The following KSR1 variants were observed in gnomAD, a reference collection of about 807,000 sequenced individuals.
The protein encoded by KSR1 is kinase suppressor of ras 1.
Under a neutral mutation model 92.9 loss-of-function variants are expected in KSR1, and 35 were observed. The observed-to-expected ratio is 0.38, with a 90% confidence interval of 0.29 to 0.50. The LOEUF (loss-of-function observed/expected upper bound fraction) is 0.50. Among genes scored for constraint, KSR1 ranks in the 20% least tolerant of loss-of-function variants. The pLI is 0.94. For missense variants in KSR1, 972 were observed against 1,158.5 expected (o/e 0.84, Z 2.34); for synonymous variants, 467 against 472.6 (o/e 0.99, Z 0.15).
chr17:27,484,379 G>A (rs573015637), intron 1 of KSR1, among the ~76,000 whole-genome samples: 2 of 152,268 alleles, frequency 1.3e-5, no homozygotes, highest in South Asian at 4.1e-4. Context: ...TTACAGGTGT[G>A]CACCACCATG....
chr17:27,564,751 C>G (rs1598038556), intron 2 of KSR1, among the ~76,000 whole-genome samples: 1 of 138,144 alleles, frequency 7.2e-6, no homozygotes, highest in Non-Finnish European at 1.6e-5. Flanking sequence ...CCCCCCCCAC[C>G]TCCCCCACCC....
intron 2 of KSR1, among the ~76,000 whole-genome samples, chr17:27,554,353 TG>T (rs2071513276): frequency 6.6e-6 from 1 of 152,208 alleles, no homozygotes; most frequent in Non-Finnish European, 1.5e-5. Flanking sequence ...CCCAGGCCAC[TG>T]ACAGGTACCG....
At chr17:27,524,979 C>T (rs1326132720) in intron 1 of KSR1, among the ~76,000 whole-genome samples, 1 of 152,126 alleles carries the variant, frequency 6.6e-6, no homozygotes, top group Non-Finnish European at 1.5e-5. Flanking sequence ...ATCTTATGCC[C>T]ATGAAGTTGT....
At chr17:27,545,968 A>G (rs1174439651) in intron 1 of KSR1, among the ~76,000 whole-genome samples, 2 of 152,258 alleles carry the variant, frequency 1.3e-5, no homozygotes, top group Non-Finnish European at 2.9e-5. Flanking sequence ...CTTGAAGGCC[A>G]TGTGCCAGTG....
chr17:27,526,842 G>A (rs140560012), intron 1 of KSR1: 4 of 719,782 alleles, frequency 5.6e-6, no homozygotes, highest in African/African-American at 5.3e-5. Flanking sequence ...GGGGGGAGGG[G>A]TGGAAGGAGT....
intron 15 of KSR1, 26 bp downstream of exon 15, chr17:27,608,036 G>C (rs1157315207): frequency 6.5e-7 from 1 of 1,550,286 alleles, no homozygotes; most frequent in Non-Finnish European, 8.8e-7. Context: ...GCTGCTGGGG[G>C]TGGGTTTCTG....
intron 1 of KSR1, among the ~76,000 whole-genome samples, chr17:27,508,709 T>TTATTTATTTA (rs2069486263): frequency 7.2e-6 from 1 of 138,272 alleles, no homozygotes; most frequent in Admixed American, 7.3e-5. Context: ...CCTGAATTTT[T>TTATTTATTTA]TTTATTTATT....
intron 14 of KSR1, among the ~76,000 whole-genome samples, chr17:27,606,117 A>G (rs1193723165): frequency 6.6e-6 from 1 of 152,050 alleles, no homozygotes; most frequent in South Asian, 2.1e-4. Flanking sequence ...CTGTCTCTAC[A>G]AAAAAATTAG....
chr17:27,610,010 G>A, intron 16 of KSR1, 57 bp from the exon 17 acceptor site: 1 of 1,602,996 alleles, frequency 6.2e-7, no homozygotes, highest in Non-Finnish European at 8.5e-7. Flanking sequence ...TGCCAGGCAG[G>A]CCTCTTTGCT....
chr17:27,521,099 G>A (rs768302560), intron 1 of KSR1, among the ~76,000 whole-genome samples: 2 of 152,144 alleles, frequency 1.3e-5, no homozygotes, highest in Admixed American at 6.5e-5. Flanking sequence ...TGAATCATGG[G>A]TGCTTTTAAA....
intron 2 of KSR1, among the ~76,000 whole-genome samples, chr17:27,557,382 CCT>C (rs1414814751): frequency 3.3e-5 from 5 of 152,198 alleles, no homozygotes; most frequent in Non-Finnish European, 5.9e-5. Context: ...GCATCTGTCC[CCT>C]CTTTCCAGGC....
At chr17:27,563,651 G>A (rs2071927484) in intron 2 of KSR1, among the ~76,000 whole-genome samples, 2 of 152,202 alleles carry the variant, frequency 1.3e-5, no homozygotes, top group African/African-American at 4.8e-5. Flanking sequence ...TAAGTATTCA[G>A]TATCTGCCAC....
At position 27,583,045 on chromosome 17, in the gene KSR1, C is replaced by A. The variant is rs2072833276; in HGVS notation, c.920C>A (p.Thr307Asn). ...FQLLPSFPTL[T>N]RSKSHESQLG... ...CTGCTGCCCAGCTTCCCCACACTCA[C>A]CCGGAGCAAGTCCCATGAGTCTCAG... Residue 307 changes from threonine to asparagine, a missense_variant, in exon 4 of 21, where the codon ACC becomes AAC. Coordinates refer to ENST00000644974, the MANE Select transcript of KSR1 (RefSeq NM_001394583.1). 4.4e-6 allele frequency: 7 copies of A among 1,607,134 alleles called. No homozygotes were observed. Among genetic ancestry groups the A allele is most frequent in the Admixed American group, 1.7e-5 (1 of 59,464 alleles).
In KSR1 at chr17:27,577,051, T is replaced by TG. The variant is rs1309072549; in HGVS notation, c.373-441_373-440insG. 6.6e-6 allele frequency among the ~76,000 whole-genome samples: 1 copy of TG among 151,312 alleles called. No homozygotes were observed. The highest frequency in any genetic ancestry group is 1.5e-5 in the Non-Finnish European group (1 of 67,784). ...CAGTGTTTGGTGAGGTTTTTTTGTTTTTTTTTTTTAAATCCTTCCTTTCTT... is the reference window on the plus strand; with the variant it reads ...CAGTGTTTGGTGAGGTTTTTTTGTTTGTTTTTTTTTAAATCCTTCCTTTCTT... On this transcript the variant is annotated intron_variant, in intron 2 of 20. Transcript: ENST00000644974. This position sits in a 1 kb window ranked among gnomAD's most constrained non-coding sequence, Gnocchi z 4.5.
At chr17:27,469,164 G>T (rs575969479) in intron 1 of KSR1, among the ~76,000 whole-genome samples, 2 of 152,166 alleles carry the variant, frequency 1.3e-5, no homozygotes, top group African/African-American at 4.8e-5. Flanking sequence ...ACCTGTAAAA[G>T]TCTTCCTTGC....
chr17:27,565,225 A>G (rs1171303053), intron 2 of KSR1, among the ~76,000 whole-genome samples: 1 of 152,102 alleles, frequency 6.6e-6, no homozygotes, highest in Non-Finnish European at 1.5e-5. Context: ...CAGTCAACCA[A>G]CTTTGCTAGG....
chr17:27,525,052 G>T (rs969456002), intron 1 of KSR1, among the ~76,000 whole-genome samples: 1 of 152,224 alleles, frequency 6.6e-6, no homozygotes, highest in African/African-American at 2.4e-5. Flanking sequence ...ACAGAATTGT[G>T]CTCTCAGTCA....
chr17:27,621,993 C>T lies in KSR1; in HGVS notation c.2708+720C>T, dbSNP rs981953801. On this transcript the variant is annotated intron_variant, in intron 20 of 20. Coordinates refer to ENST00000644974, the MANE Select transcript of KSR1 (RefSeq NM_001394583.1). Reference sequence around the variant, plus strand: ...TTCCTCCTAATCAACAACTCAGCACCGTGACTTCTGCTAAAATGCAAAATG... The same window carrying T: ...TTCCTCCTAATCAACAACTCAGCACTGTGACTTCTGCTAAAATGCAAAATG... 2.5e-5 allele frequency: 39 copies of T among 1,573,986 alleles called. 1 individual carries two copies. Among genetic ancestry groups the T allele is most frequent in the South Asian group, 1.7e-4 (15 of 90,068 alleles).
intron 2 of KSR1, among the ~76,000 whole-genome samples, chr17:27,569,444 A>G (rs1770573294): frequency 6.6e-6 from 1 of 152,178 alleles, no homozygotes. Context: ...GGAGGTGGGA[A>G]AGGAGGAGGA....
Sources: allele counts gnomAD v4.1 joint callset (sites outside exome capture counted in the v4.1 genomes callset), GRCh38; gene constraint gnomAD v4.1.1; non-coding constraint Gnocchi (gnomAD v3.1); transcripts MANE v1.5; gene names NCBI Gene and HGNC (gene_info 2026-07-23, HGNC 2026-07-21).